The following IL7 variants were observed in gnomAD, a reference collection of about 807,000 sequenced individuals.
IL7 encodes interleukin 7.
IL7 carries 3 observed loss-of-function variants against 21.6 expected under a neutral mutation model. The ratio of observed to expected loss-of-function variants is 0.14; its 90% confidence interval spans 0.06 to 0.36. The LOEUF (loss-of-function observed/expected upper bound fraction) is 0.36. IL7 is among the 10% of genes least tolerant of loss of function. The probability of loss-of-function intolerance (pLI) is 1.00; values close to 1 mark genes in which losing one functional copy is unlikely to be tolerated. For missense variants in IL7, 175 were observed against 200.2 expected, an observed-to-expected ratio of 0.87 and a Z score of 0.76; for synonymous variants, 62 against 68.1, an observed-to-expected ratio of 0.91 and a Z score of 0.44.
In IL7 at chr8:78,676,790, C is replaced by T. The variant is rs115178269; in HGVS notation, n.274-686G>A. Among the ~76,000 whole-genome samples the T allele has an allele frequency of 9.7e-4, 148 of 151,934 alleles. 2 individuals carry two copies. Among genetic ancestry groups the T allele is most frequent in the African/African-American group, 3.4e-3 (141 of 41,496 alleles). On this transcript the variant is annotated intron_variant and non_coding_transcript_variant, in intron 4 of 4. Coordinates refer to the IL7 transcript ENST00000523959. The stretch of plus-strand genomic sequence containing the variant: ...TTTTTCTTATCAATTTATTATTTTT[C>T]AGAGTGTTCAGCTGAATTTCACAGC...
chr8:78,698,204 A>G (rs1468399561), intron 3 of IL7, among the ~76,000 whole-genome samples: 1 of 152,176 alleles, frequency 6.6e-6, no homozygotes, highest in African/African-American at 2.4e-5. Context: ...ACCTTTATTT[A>G]TATATCAATT....
chr8:78,695,034 T>G (rs993258531), intron 3 of IL7, among the ~76,000 whole-genome samples: 4 of 152,150 alleles, frequency 2.6e-5, no homozygotes, highest in South Asian at 4.1e-4. Flanking sequence ...GTAGAATAGA[T>G]AGAATATAGC....
intron 1 of IL7, among the ~76,000 whole-genome samples, chr8:78,803,480 T>C (rs1044703389): frequency 1.4e-4 from 22 of 152,212 alleles, no homozygotes; most frequent in Middle Eastern, 3.4e-3. Flanking sequence ...CTAGTGAAAT[T>C]TCTTGAAACA....
At chr8:78,726,655 A>T (rs998409901) in intron 3 of IL7, among the ~76,000 whole-genome samples, 5 of 151,982 alleles carry the variant, frequency 3.3e-5, no homozygotes, top group East Asian at 1.9e-4. Flanking sequence ...CTCAGTTTTA[A>T]AGTATTACAT....
At chr8:78,689,471 C>G (rs1810137484) in intron 3 of IL7, 3 of 1,151,116 alleles carry the variant, frequency 2.6e-6, no homozygotes, top group Non-Finnish European at 3.5e-6. Flanking sequence ...CTATATTTTT[C>G]TCACCTGCTT....
At chr8:78,736,231 A>T (rs1431575546) in intron 5 of IL7, among the ~76,000 whole-genome samples, 1 of 62,694 alleles carries the variant, frequency 1.6e-5, no homozygotes, top group Non-Finnish European at 2.9e-5. Context: ...TGCTTCTTCT[A>T]AAAAAAAAAA....
exon 5 of IL7, chr8:78,675,806 A>C (rs370653445): frequency 2.5e-6 from 4 of 1,609,632 alleles, no homozygotes; most frequent in Non-Finnish European, 3.4e-6. Context: ...GTGTTGTCCA[A>C]GTTGGAGAAT....
intron 3 of IL7, among the ~76,000 whole-genome samples, chr8:78,724,898 C>T (rs1811313289): frequency 6.6e-6 from 1 of 151,906 alleles, no homozygotes; most frequent in South Asian, 2.1e-4. Flanking sequence ...GGCTCAGATA[C>T]CATATTTTAA....
At chr8:78,678,610 G>A (rs1338499985) in intron 4 of IL7, 1 of 1,612,436 alleles carries the variant, frequency 6.2e-7, no homozygotes, top group South Asian at 1.1e-5. Context: ...AAAAACGGAA[G>A]ACTTTTGATT....
chr8:78,767,619 C>T (rs1812797171), intron 2 of IL7, among the ~76,000 whole-genome samples: 1 of 151,988 alleles, frequency 6.6e-6, no homozygotes, highest in Admixed American at 6.6e-5. Context: ...ATTCTTAGGG[C>T]TTAGGTGAAA....
intron 2 of IL7, among the ~76,000 whole-genome samples, chr8:78,786,186 A>C (rs1260932955): frequency 6.6e-6 from 1 of 152,174 alleles, no homozygotes; most frequent in Non-Finnish European, 1.5e-5. Context: ...AACATCATAG[A>C]ACCCAAACCT....
chr8:78,692,243 T>A lies in IL7; in HGVS notation n.215-6296A>T, dbSNP rs147703863. Among the ~76,000 whole-genome samples the A allele has an allele frequency of 5.9e-3, 899 of 152,308 alleles. 9 individuals are homozygous for A. The highest frequency in any genetic ancestry group is 0.02 in the African/African-American group (843 of 41,566). The stretch of plus-strand genomic sequence containing the variant: ...GTACTACCATTCAGTTCTCTGCTGC[T>A]TAGAGTTCCATTGTTTTAGATTCTA... On this transcript the variant is annotated intron_variant and non_coding_transcript_variant, in intron 3 of 4. Transcript: ENST00000523959.
downstream of IL7, chr8:78,715,405 G>T: frequency 7.7e-7 from 1 of 1,303,722 alleles, no homozygotes. Flanking sequence ...ATACACAAAA[G>T]TAAGTAACAA....
chr8:78,683,420 A>G (rs556062925), intron 4 of IL7, among the ~76,000 whole-genome samples: 5 of 152,314 alleles, frequency 3.3e-5, no homozygotes, highest in African/African-American at 9.6e-5. Context: ...GCTCAACACC[A>G]TGTGGAAGCT....
chr8:78,734,707 G>A (rs901448559), intron 5 of IL7, among the ~76,000 whole-genome samples: 1 of 151,956 alleles, frequency 6.6e-6, no homozygotes, highest in African/African-American at 2.4e-5. Flanking sequence ...CTAGTTATTG[G>A]GTAACTAGAT....
chr8:78,760,756 G>A, intron 2 of IL7: 4 of 1,547,848 alleles, frequency 2.6e-6, no homozygotes, highest in Non-Finnish European at 3.5e-6. Flanking sequence ...GGTGAGCTCT[G>A]CGGAATTTCC....
intron 2 of IL7, among the ~76,000 whole-genome samples, chr8:78,764,367 A>G (rs1812681341): frequency 6.6e-6 from 1 of 152,148 alleles, no homozygotes; most frequent in African/African-American, 2.4e-5. Flanking sequence ...TAAAATGTAT[A>G]CAGATTGGTA....
chr8:78,681,246 T>C (rs1291746549), intron 4 of IL7, among the ~76,000 whole-genome samples: 1 of 152,070 alleles, frequency 6.6e-6, no homozygotes, highest in Non-Finnish European at 1.5e-5. Context: ...CAAATAGCTG[T>C]ACCAGGAAAT....
intron 2 of IL7, chr8:78,762,376 A>G: frequency 6.2e-7 from 1 of 1,612,544 alleles, no homozygotes; most frequent in Non-Finnish European, 8.5e-7. Context: ...AGGCCAAGTC[A>G]AGTCGGACTG....
Sources: gnomAD v4.1 joint callset for allele counts (sites outside exome capture counted in the v4.1 genomes callset) on GRCh38, gnomAD v4.1.1 for gene constraint, MANE v1.5 for transcripts, NCBI Gene and HGNC (gene_info 2026-07-23, HGNC 2026-07-21) for gene names.